NXPE2: variants seen among roughly 807,000 people sequenced by gnomAD.
NXPE2 encodes NXPE family member 2.
Under a neutral mutation model 34.4 loss-of-function variants are expected in NXPE2, and 34 were observed. That is an observed-to-expected ratio of 0.99 (90% CI 0.75 to 1.31). The LOEUF (loss-of-function observed/expected upper bound fraction) is 1.31, where lower values mean the gene tolerates loss of function less well. NXPE2 is among the 40% of genes most tolerant of loss of function. The probability of loss-of-function intolerance (pLI) is 0.00; values close to 1 mark genes in which losing one functional copy is unlikely to be tolerated. For synonymous variants in NXPE2, 235 were observed against 231.3 expected (o/e 1.02, Z -0.15); for missense variants, 649 against 672.5 (o/e 0.97, Z 0.39).
the NXPE2 span, among the ~76,000 whole-genome samples, chr11:114,809,653 TAGG>T: frequency 0.96 from 137,129 of 143,374 alleles, 65,918 homozygotes; most frequent in Middle Eastern, 1. Context: ...GGACCTCTTC[TAGG>T]AGAACTACAA....
At chr11:114,680,591 G>A (rs1950932986) in intron 2 of NXPE2, among the ~76,000 whole-genome samples, 1 of 151,958 alleles carries the variant, frequency 6.6e-6, no homozygotes, top group Non-Finnish European at 1.5e-5. Context: ...CATTTGCCCA[G>A]GTCCTACCCA....
chr11:114,634,689 T>C, the NXPE2 span, among the ~76,000 whole-genome samples: 35 of 152,040 alleles, frequency 2.3e-4, no homozygotes, highest in African/African-American at 8.0e-4. Context: ...TATCGCTAGT[T>C]GGTTTTCCCA....
chr11:114,678,797 G>A (rs1403339899), intron 1 of NXPE2, among the ~76,000 whole-genome samples, 196 bp downstream of exon 1: 1 of 151,996 alleles, frequency 6.6e-6, no homozygotes, highest in Non-Finnish European at 1.5e-5. Flanking sequence ...AAAAATCACA[G>A]TGCATTGTGT....
Position 114,707,024 on chromosome 11 carries a change from T to A in NXPE2, c.*94T>A. 1.0e-6 allele frequency: 1 copy of A among 999,898 alleles called. No homozygotes were observed. The highest frequency in any genetic ancestry group is 1.4e-6 in the Non-Finnish European group (1 of 701,640). 61.9% of individuals were successfully genotyped at this position (999,898 alleles called of 1,614,324 possible). A position where few individuals can be genotyped will look rare whatever the true frequency, so the allele number is the denominator to read the frequency against. On this transcript the variant is annotated 3_prime_UTR_variant, in exon 6 of 6. Coordinates refer to ENST00000389586, the MANE Select transcript of NXPE2 (RefSeq NM_182495.6). ...AATGCAATCCAAGTTTTGAGGAAAC[T>A]AAATTTGAAAAAGTTCTATTAAAGT...
At chr11:114,662,669 A>G in the NXPE2 span, among the ~76,000 whole-genome samples, 3 of 152,170 alleles carry the variant, frequency 2.0e-5, no homozygotes, top group African/African-American at 7.2e-5. Context: ...GAGAGGGAAG[A>G]GTGGTGAGGA....
At chr11:114,798,115 A>C in the NXPE2 span, among the ~76,000 whole-genome samples, 6 of 152,198 alleles carry the variant, frequency 3.9e-5, no homozygotes, top group African/African-American at 1.4e-4. Flanking sequence ...CTAAAAGAGA[A>C]TACTGCTCTA....
At chr11:114,740,570 A>G in the NXPE2 span, among the ~76,000 whole-genome samples, 6 of 152,144 alleles carry the variant, frequency 3.9e-5, 1 homozygote, top group Non-Finnish European at 7.4e-5. Flanking sequence ...GACTATACCA[A>G]TTTACATTCC....
chr11:114,718,550 T>C, the NXPE2 span, among the ~76,000 whole-genome samples: 1 of 152,182 alleles, frequency 6.6e-6, no homozygotes, highest in East Asian at 1.9e-4. Flanking sequence ...ACTAAATATT[T>C]ACATTCTTTT....
the NXPE2 span, among the ~76,000 whole-genome samples, chr11:114,564,181 T>C: frequency 6.6e-6 from 1 of 152,172 alleles, no homozygotes; most frequent in African/African-American, 2.4e-5. Context: ...AAGCCTATTA[T>C]TCTAAATGAA....
At chr11:114,663,674 C>CTATT in the NXPE2 span, among the ~76,000 whole-genome samples, 10 of 126,198 alleles carry the variant, frequency 7.9e-5, no homozygotes, top group African/African-American at 3.2e-5. Context: ...TATCATCTAT[C>CTATT]TATTTATCTA....
chr11:114,583,256 G>A, the NXPE2 span: 1 of 667,814 alleles, frequency 1.5e-6, no homozygotes, highest in Admixed American at 2.4e-5. Context: ...GAGCAAGATG[G>A]CGCAAAGGCA....
At chr11:114,697,051 C>T (rs867830790) in intron 2 of NXPE2, among the ~76,000 whole-genome samples, 4 of 152,298 alleles carry the variant, frequency 2.6e-5, no homozygotes, top group African/African-American at 9.6e-5. Flanking sequence ...CTCTCTCTGT[C>T]TTTCTCTCTC....
the NXPE2 span, among the ~76,000 whole-genome samples, chr11:114,791,391 T>G: frequency 6.6e-6 from 1 of 151,998 alleles, no homozygotes; most frequent in Admixed American, 6.6e-5. Flanking sequence ...CACCCAGGAG[T>G]TATGGAAAGC....
At chr11:114,511,550 A>G in the NXPE2 span, among the ~76,000 whole-genome samples, 15 of 152,202 alleles carry the variant, frequency 9.9e-5, no homozygotes, top group Non-Finnish European at 1.9e-4. Flanking sequence ...TCATTTGTTC[A>G]GAAAACTGAG....
the NXPE2 span, chr11:114,551,560 G>T: frequency 8.0e-6 from 2 of 250,568 alleles, no homozygotes; most frequent in Non-Finnish European, 1.3e-5. Flanking sequence ...CATGTCTTTT[G>T]GGGGAAGATT....
At position 114,696,525 on chromosome 11, in the gene NXPE2, G is replaced by A. The variant is rs980423399; in HGVS notation, c.133-1520G>A. ...CAGACAAAGTAGATTTCAGAACCAG[G>A]AAAATTACCAAGAATAAATAAGATC... On this transcript the variant is annotated intron_variant, in intron 2 of 5. Coordinates refer to ENST00000389586, the MANE Select transcript of NXPE2 (RefSeq NM_182495.6). Among the ~76,000 whole-genome samples the A allele has an allele frequency of 3.7e-3, 561 of 151,984 alleles. 5 individuals are homozygous for A. Among genetic ancestry groups the A allele is most frequent in the African/African-American group, 0.012 (487 of 41,468 alleles).
chr11:114,614,802 T>C, the NXPE2 span, among the ~76,000 whole-genome samples: 1 of 151,598 alleles, frequency 6.6e-6, no homozygotes, highest in Non-Finnish European at 1.5e-5. Context: ...GGATGATAAG[T>C]GTTGCCTCGT....
At chr11:114,567,749 C>T in the NXPE2 span, among the ~76,000 whole-genome samples, 3 of 151,498 alleles carry the variant, frequency 2.0e-5, no homozygotes, top group Non-Finnish European at 4.4e-5. Context: ...TTTAAATACC[C>T]TCTCTTGAAA....
At chr11:114,530,682 C>G in the NXPE2 span, 12 of 1,613,924 alleles carry the variant, frequency 7.4e-6, no homozygotes, top group Admixed American at 1.7e-5. Context: ...GTATGTATCT[C>G]GAGGGTTGAG....
Sources: allele counts gnomAD v4.1 joint callset (sites outside exome capture counted in the v4.1 genomes callset), GRCh38; gene constraint gnomAD v4.1.1; transcripts MANE v1.5; gene names NCBI Gene and HGNC (gene_info 2026-07-23, HGNC 2026-07-21).